CHD7: variants seen among roughly 807,000 people sequenced by gnomAD.
The protein encoded by CHD7 is ATP-dependent chromatin remodeler CHD7.
In CHD7, 24 loss-of-function variants were observed where a neutral mutation model predicts 307.3. That is an observed-to-expected ratio of 0.08 (90% CI 0.06 to 0.11). The LOEUF (loss-of-function observed/expected upper bound fraction) is 0.11, where lower values mean the gene tolerates loss of function less well. Among genes scored for constraint, CHD7 ranks in the 10% least tolerant of loss-of-function variants. The pLI is 1.00. For synonymous variants in CHD7, 1,363 were observed against 1,349.9 expected (o/e 1.01, Z -0.21); for missense variants, 3,106 against 3,727.1 (o/e 0.83, Z 4.34).
intron 1 of CHD7, among the ~76,000 whole-genome samples, chr8:60,715,877 G>A (rs1207055146): frequency 2.0e-5 from 3 of 152,138 alleles, no homozygotes; most frequent in Non-Finnish European, 2.9e-5. Flanking sequence ...TATGTATATG[G>A]ACAGAACAGT....
chr8:60,821,687 CACAT>C (rs917164713), intron 9 of CHD7, 99 bp from the exon 10 acceptor site: 9 of 888,894 alleles, frequency 1.0e-5, no homozygotes, highest in African/African-American at 3.4e-5. Context: ...TATATATACA[CACAT>C]ACATATCTAT....
intron 2 of CHD7, among the ~76,000 whole-genome samples, chr8:60,743,437 TTG>T (rs113886428): frequency 6.6e-6 from 1 of 152,202 alleles, no homozygotes; most frequent in South Asian, 2.1e-4. Context: ...TTCTCTTTCT[TTG>T]TGTGTGTGTG....
intron 2 of CHD7, among the ~76,000 whole-genome samples, chr8:60,774,270 G>T (rs1291281165): frequency 6.6e-6 from 1 of 152,110 alleles, no homozygotes; most frequent in Non-Finnish European, 1.5e-5. Context: ...TAATCTTAAG[G>T]TTTCGGTTCC....
At chr8:60,845,754 A>G (rs1320050992) in intron 23 of CHD7, among the ~76,000 whole-genome samples, 1 of 152,204 alleles carries the variant, frequency 6.6e-6, no homozygotes, top group East Asian at 1.9e-4. Context: ...AACGTTTACC[A>G]TTTTTACCAT....
chr8:60,682,504 G>A (rs1459979854), intron 1 of CHD7, among the ~76,000 whole-genome samples: 3 of 152,336 alleles, frequency 2.0e-5, no homozygotes, highest in Non-Finnish European at 4.4e-5. Flanking sequence ...CCAAGTTAGT[G>A]TAGTTCTTTC....
chr8:60,690,959 CTG>C (rs1806164046), intron 1 of CHD7, among the ~76,000 whole-genome samples: 1 of 152,202 alleles, frequency 6.6e-6, no homozygotes, highest in Non-Finnish European at 1.5e-5. Flanking sequence ...GAGTCCTGCT[CTG>C]TCTCACAGGC....
chr8:60,784,744 C>T (rs1563598068), intron 3 of CHD7, among the ~76,000 whole-genome samples: 1 of 152,174 alleles, frequency 6.6e-6, no homozygotes, highest in Non-Finnish European at 1.5e-5. Context: ...TGTCTTTCCT[C>T]TGCAGGAGGA....
At chr8:60,801,643 C>T (rs2150711416) in intron 6 of CHD7, 50 bp downstream of exon 6, 2 of 1,183,634 alleles carry the variant, frequency 1.7e-6, no homozygotes, top group Non-Finnish European at 2.4e-6. Context: ...GTGACTCTTA[C>T]AGGATTGTTG....
chr8:60,779,794 T>C (rs562996767), intron 2 of CHD7, among the ~76,000 whole-genome samples: 9 of 152,344 alleles, frequency 5.9e-5, no homozygotes, highest in African/African-American at 1.9e-4. Flanking sequence ...CTATTGGCTC[T>C]GATGGCAGTC....
chr8:60,851,952 T>C (rs1049108676), intron 28 of CHD7, 67 bp from the exon 29 acceptor site: 3 of 1,087,284 alleles, frequency 2.8e-6, no homozygotes, highest in South Asian at 3.2e-5. Flanking sequence ...TCATCCTGTT[T>C]TGTTGGAATA....
chr8:60,730,968 TCCCATC>T (rs1808424519), intron 1 of CHD7, among the ~76,000 whole-genome samples: 1 of 152,194 alleles, frequency 6.6e-6, no homozygotes, highest in African/African-American at 2.4e-5. Flanking sequence ...ACCTGCACTG[TCCCATC>T]CAGGACATAA....
rs2150811434 is a variant in CHD7, at chr8:60,853,459, T to A, written c.6734T>A (p.Leu2245Gln). 1 of 1,517,742 alleles carries A rather than the reference T, an allele frequency of 6.6e-7. No homozygotes were observed. The allele number at this position is 1,517,742 out of a possible 1,614,324, so 94.0% of individuals were successfully genotyped here. A position where few individuals can be genotyped will look rare whatever the true frequency, so the allele number is the denominator to read the frequency against. ...KGSEEDEEEKLEDDDKSEESS... is the reference protein window; with the variant it reads ...KGSEEDEEEKQEDDDKSEESS... ...TCCGAAGAGGATGAAGAGGAAAAGC[T>A]GGAGGATGACGATAAGTCGGAAGAG... The change falls in exon 31 of 38, where the codon CTG (leucine) becomes CAG (glutamine). Residue 2245 changes from leucine (L) to glutamine (Q), a missense_variant. Physicochemically the swap from Leu to Gln is moderately radical, Grantham distance 113 (BLOSUM62 -2). This residue lies in a region of CHD7 where 1,030 missense variants were observed against 1,165.4 expected (regional missense o/e 0.88). Transcript: ENST00000423902.
At chr8:60,822,315 T>C (rs2150749736) in intron 11 of CHD7, among the ~76,000 whole-genome samples, 170 bp downstream of exon 11, 1 of 152,262 alleles carries the variant, frequency 6.6e-6, no homozygotes, top group South Asian at 2.1e-4. Flanking sequence ...CAGAGATTGA[T>C]ATAAGTGTGT....
intron 13 of CHD7, chr8:60,824,801 A>T (rs533205268): frequency 4.6e-5 from 7 of 151,516 alleles, no homozygotes; most frequent in African/African-American, 1.7e-4. Context: ...GATTTTCTAG[A>T]TTTTTTTTTC....
At chr8:60,724,330 A>G (rs1808065003) in intron 1 of CHD7, among the ~76,000 whole-genome samples, 1 of 152,234 alleles carries the variant, frequency 6.6e-6, no homozygotes, top group Non-Finnish European at 1.5e-5. Context: ...CAGCTCCTAC[A>G]GAGATACCCT....
Position 60,852,820 on chromosome 8 carries a change from G to A in CHD7, c.6104-9G>A, listed in dbSNP as rs567669913. ...TCCCCAAGTAAATATGAGCCCTTCT[G>A]TGTTACAGAACCGCCCGACCTCTCC... On this transcript the variant is annotated splice_polypyrimidine_tract_variant and intron_variant, in intron 30 of 37. Coordinates refer to ENST00000423902, the MANE Select transcript of CHD7 (RefSeq NM_017780.4). 10 of 1,610,980 alleles carry A rather than the reference G, an allele frequency of 6.2e-6. No individual in the cohort carries two copies. The South Asian group carries it at 9.9e-5, about 16-fold the overall frequency.
chr8:60,686,566 A>C (rs1038039460), intron 1 of CHD7, among the ~76,000 whole-genome samples: 3 of 152,166 alleles, frequency 2.0e-5, no homozygotes, highest in African/African-American at 7.2e-5. Flanking sequence ...AGGAGGCAGC[A>C]GAGGTCATGT....
At chr8:60,758,725 C>A (rs1473994345) in intron 2 of CHD7, among the ~76,000 whole-genome samples, 1 of 152,154 alleles carries the variant, frequency 6.6e-6, no homozygotes, top group East Asian at 1.9e-4. Context: ...GCCCATTCAA[C>A]TCACAACTCT....
intron 34 of CHD7, 54 bp downstream of exon 34, chr8:60,856,942 C>A (rs1805747004): frequency 1.4e-6 from 2 of 1,454,702 alleles, no homozygotes; most frequent in Admixed American, 4.5e-5. Flanking sequence ...AGCTGAGGGT[C>A]CTGTGATGCT....
Sources: allele counts gnomAD v4.1 joint callset (sites outside exome capture counted in the v4.1 genomes callset), GRCh38; gene constraint gnomAD v4.1.1; regional missense constraint gnomAD v4.1.1; transcripts MANE v1.5; gene names NCBI Gene and HGNC (gene_info 2026-07-23, HGNC 2026-07-21).